SLC4A4: variants seen among roughly 807,000 people sequenced by gnomAD.
SLC4A4 encodes the protein electrogenic sodium bicarbonate cotransporter 1.
SLC4A4 carries 27 observed loss-of-function variants against 111.5 expected under a neutral mutation model. The observed-to-expected ratio is 0.24, with a 90% CI of 0.18 to 0.33. The LOEUF is 0.33. Among genes scored for constraint, SLC4A4 ranks in the 10% least tolerant of loss-of-function variants. SLC4A4 has a pLI of 1.00. For missense variants in SLC4A4, 909 were observed against 1,315.5 expected, an observed-to-expected ratio of 0.69 and a Z score of 4.78; for synonymous variants, 443 against 463.4, an observed-to-expected ratio of 0.96 and a Z score of 0.57.
At chr4:71,081,567 A>G (rs191828320) in intron 1 of SLC4A4, among the ~76,000 whole-genome samples, 171 of 152,242 alleles carry the variant, frequency 1.1e-3, no homozygotes, top group Non-Finnish European at 2.1e-3. Flanking sequence ...GCTCTACGTT[A>G]CAGTGATAAC....
Position 71,101,202 on chromosome 4 carries a change from T to A in SLC4A4, c.-2+8410T>A, listed in dbSNP as rs544013765. Among the ~76,000 whole-genome samples the A allele has an allele frequency of 1.8e-4, 28 of 152,230 alleles. 1 individual carries two copies. In the South Asian group the frequency reaches 5.8e-3, roughly 32 times the overall value. On this transcript the variant is annotated intron_variant, in intron 2 of 26. Coordinates refer to the SLC4A4 transcript ENST00000649996. ...TGAACGCAAGAAGTGGAGCTTGCAG[T>A]GAGCTGAGATTGCGCCACTGCACTC... is the stretch of plus-strand genomic sequence containing the variant.
At position 71,236,575 on chromosome 4, in the gene SLC4A4, G is replaced by A. The variant is rs1449617821; in HGVS notation, c.-1-1G>A. On this transcript the variant is annotated splice_acceptor_variant, in intron 1 of 25. Transcript: ENST00000264485. LOFTEE classifies it low-confidence loss of function (5UTR_SPLICE). ...TCTTTTTTTCTTTTTTATTACTATA[G>A]GATGGAGGATGAAGCTGTCCTGGAC... 7 of 1,612,874 alleles carry A rather than the reference G, an allele frequency of 4.3e-6. No homozygotes were observed. The highest frequency in any genetic ancestry group is 5.9e-6 in the Non-Finnish European group (7 of 1,179,124).
chr4:71,482,984 A>G (rs1729022662), intron 14 of SLC4A4, among the ~76,000 whole-genome samples: 1 of 151,686 alleles, frequency 6.6e-6, no homozygotes, highest in South Asian at 2.1e-4. Context: ...AAGTATACCC[A>G]TTATATGCTC....
intron 1 of SLC4A4, among the ~76,000 whole-genome samples, chr4:71,065,135 A>G (rs1291937547): frequency 1.3e-5 from 2 of 152,214 alleles, no homozygotes; most frequent in East Asian, 3.8e-4. Context: ...ACTGAATGAT[A>G]TGAGGAAAAT....
rs1443029833 is a variant in SLC4A4 at position 71,156,598 on chromosome 4, A to G, written c.-2+63806A>G. On this transcript the variant is annotated intron_variant, in intron 2 of 26. Coordinates refer to the SLC4A4 transcript ENST00000649996. ...TGCGCGCGCGCGCGCGCACACACAC[A>G]CACACACACACACACATACACATTG... Among the ~76,000 whole-genome samples the G allele has an allele frequency of 6.6e-5, 8 of 121,488 alleles. No homozygotes were observed. The South Asian group carries it at 1.1e-3, about 16-fold the overall frequency. 79.7% of individuals were successfully genotyped at this position (121,488 alleles called of 152,430 possible).
At chr4:71,236,398 C>G in intron 1 of SLC4A4, 178 bp from the exon 2 acceptor site, 1 of 767,808 alleles carries the variant, frequency 1.3e-6, no homozygotes, top group Non-Finnish European at 2.0e-6. Context: ...CCGGCATATT[C>G]TCGAGCACCA....
intron 1 of SLC4A4, among the ~76,000 whole-genome samples, chr4:71,073,555 C>T (rs1741723663): frequency 1.3e-5 from 2 of 152,084 alleles, no homozygotes; most frequent in Admixed American, 1.3e-4. Flanking sequence ...GCACAACCCC[C>T]ACCTCTCCAC....
At chr4:71,418,957 C>T (rs1190403574) in intron 7 of SLC4A4, among the ~76,000 whole-genome samples, 2 of 152,202 alleles carry the variant, frequency 1.3e-5, no homozygotes, top group Non-Finnish European at 2.9e-5. Context: ...TAGAGGTCCA[C>T]TCCAGACCCT....
At chr4:71,306,928 C>T (rs187097088) in intron 3 of SLC4A4, among the ~76,000 whole-genome samples, 4 of 152,246 alleles carry the variant, frequency 2.6e-5, no homozygotes, top group African/African-American at 9.6e-5. Flanking sequence ...ATGTATTTTG[C>T]TAATTATAAG....
chr4:71,399,374 G>T (rs1203298818), intron 7 of SLC4A4, among the ~76,000 whole-genome samples: 1 of 151,578 alleles, frequency 6.6e-6, no homozygotes, highest in African/African-American at 2.4e-5. Context: ...AGGTTTATAG[G>T]CCTTGGTGAA....
At chr4:71,248,184 G>A (rs899847729) in intron 2 of SLC4A4, among the ~76,000 whole-genome samples, 9 of 152,056 alleles carry the variant, frequency 5.9e-5, no homozygotes, top group African/African-American at 1.9e-4. Flanking sequence ...AACAAAGAGT[G>A]TTCACAAGTT....
At chr4:71,369,781 G>A (rs978733379) in intron 6 of SLC4A4, among the ~76,000 whole-genome samples, 3 of 152,294 alleles carry the variant, frequency 2.0e-5, no homozygotes, top group African/African-American at 4.8e-5. Flanking sequence ...TCTAAACTGA[G>A]TATATGTGAT....
chr4:71,446,568 T>G (rs1725248461), intron 8 of SLC4A4, among the ~76,000 whole-genome samples: 1 of 152,206 alleles, frequency 6.6e-6, no homozygotes, highest in Admixed American at 6.5e-5. Flanking sequence ...GATCTTGGGC[T>G]CTTCCATTAA....
chr4:71,483,934 C>CT (rs34187974), intron 14 of SLC4A4, among the ~76,000 whole-genome samples: 8 of 151,098 alleles, frequency 5.3e-5, no homozygotes, highest in East Asian at 3.9e-4. Flanking sequence ...TGATGTTGAG[C>CT]TTTTTTTTTC....
At chr4:71,432,940 G>C (rs1006469531) in intron 7 of SLC4A4, among the ~76,000 whole-genome samples, 2 of 152,038 alleles carry the variant, frequency 1.3e-5, no homozygotes, top group African/African-American at 4.8e-5. Context: ...CTTTTGATTT[G>C]AGGGGAGAGA....
intron 1 of SLC4A4, among the ~76,000 whole-genome samples, chr4:71,217,596 G>A (rs372671019): frequency 5.3e-4 from 80 of 152,232 alleles, no homozygotes; most frequent in African/African-American, 1.9e-3. Context: ...CACCAACAAC[G>A]AAATGGCATT....
At chr4:71,544,841 C>T (rs931857763) in intron 18 of SLC4A4, among the ~76,000 whole-genome samples, 1 of 151,968 alleles carries the variant, frequency 6.6e-6, no homozygotes, top group Non-Finnish European at 1.5e-5. Context: ...TGTTGTCTCC[C>T]TCAGTAGAAT....
chr4:71,249,761 C>T (rs552757291), intron 2 of SLC4A4, among the ~76,000 whole-genome samples: 1 of 152,058 alleles, frequency 6.6e-6, no homozygotes, highest in South Asian at 2.1e-4. Context: ...CATGATGGCA[C>T]ATGCCTGTGA....
At chr4:71,255,704 CA>C (rs1160173882) in intron 3 of SLC4A4, among the ~76,000 whole-genome samples, 10 of 152,086 alleles carry the variant, frequency 6.6e-5, no homozygotes, top group African/African-American at 2.4e-4. Context: ...CAGCAATAAA[CA>C]GTAACTGGAA....
Sources: gnomAD v4.1 joint callset for allele counts (sites outside exome capture counted in the v4.1 genomes callset) on GRCh38, gnomAD v4.1.1 for gene constraint, MANE v1.5 for transcripts, NCBI Gene and HGNC (gene_info 2026-07-23, HGNC 2026-07-21) for gene names.